Variants in PON1 observed in about 807,000 individuals in gnomAD.
PON1 encodes the protein serum paraoxonase/arylesterase 1.
A neutral mutation model predicts 39.2 loss-of-function variants in PON1; 37 were observed. The observed-to-expected ratio is 0.94, with a 90% CI of 0.73 to 1.24. The LOEUF (loss-of-function observed/expected upper bound fraction) is 1.24. Among genes scored for constraint, PON1 ranks in the 50% most tolerant of loss-of-function variants. The probability of loss-of-function intolerance (pLI) is 0.00; values close to 1 mark genes in which losing one functional copy is unlikely to be tolerated. For synonymous variants in PON1, 148 were observed against 152.2 expected, an observed-to-expected ratio of 0.97 and a Z score of 0.21; for missense variants, 397 against 413.5, an observed-to-expected ratio of 0.96 and a Z score of 0.35.
intron 4 of PON1, among the ~76,000 whole-genome samples, chr7:95,312,455 A>G (rs1471758952): frequency 6.6e-6 from 1 of 152,252 alleles, no homozygotes; most frequent in African/African-American, 2.4e-5. Flanking sequence ...AAGCTGCTAA[A>G]ATGATTTTCA....
chr7:95,298,805 AAACAG>A lies in PON1; in HGVS notation c.*134_*138del. On this transcript the variant is annotated 3_prime_UTR_variant, in exon 9 of 9. Transcript: ENST00000222381. The stretch of plus-strand genomic sequence containing the variant: ...CCTACACATCATATCACTCCCAGTT[AAACAG>A]TGCTTTGATGCTTCATGATGTCCAC... 1 of 1,051,560 alleles carries A rather than the reference AAACAG, an allele frequency of 9.5e-7. No homozygotes were observed. The highest frequency in any genetic ancestry group is 1.5e-6 in the Non-Finnish European group (1 of 688,016). The allele number at this position is 1,051,560 out of a possible 1,614,324, so 65.1% of individuals were successfully genotyped here.
chr7:95,320,359 A>T (rs1462073001), intron 1 of PON1, among the ~76,000 whole-genome samples: 2 of 152,240 alleles, frequency 1.3e-5, no homozygotes, highest in Admixed American at 1.3e-4. Flanking sequence ...ACATAGAATA[A>T]TCACAGTTAA....
At chr7:95,307,272 C>A (rs1585694366) in intron 6 of PON1, among the ~76,000 whole-genome samples, 1 of 151,958 alleles carries the variant, frequency 6.6e-6, no homozygotes, top group East Asian at 1.9e-4. Flanking sequence ...GATGGCCAGG[C>A]TGGTCTATGA....
chr7:95,316,519 G>A (rs1253660317), intron 3 of PON1, among the ~76,000 whole-genome samples: 1 of 152,160 alleles, frequency 6.6e-6, no homozygotes, highest in East Asian at 1.9e-4. Flanking sequence ...AACGTAATAT[G>A]GTTCAATGTA....
intron 8 of PON1, among the ~76,000 whole-genome samples, chr7:95,299,928 G>A (rs532078341): frequency 2.5e-4 from 38 of 152,258 alleles, no homozygotes; most frequent in African/African-American, 8.9e-4. Context: ...TTTCAGGTAA[G>A]CCAGGGAACT....
At chr7:95,301,412 G>C (rs1807417714) in intron 8 of PON1, among the ~76,000 whole-genome samples, 1 of 152,150 alleles carries the variant, frequency 6.6e-6, no homozygotes, top group East Asian at 1.9e-4. Context: ...CACACAGGAA[G>C]GGGGAGTTGA....
chr7:95,315,897 A>G (rs1224230649), intron 3 of PON1, among the ~76,000 whole-genome samples: 1 of 152,314 alleles, frequency 6.6e-6, no homozygotes, highest in African/African-American at 2.4e-5. Context: ...CATCTCAAAG[A>G]CAGAGTTTTG....
intron 7 of PON1, among the ~76,000 whole-genome samples, chr7:95,303,456 G>C (rs987131891): frequency 6.6e-6 from 1 of 152,168 alleles, no homozygotes; most frequent in African/African-American, 2.4e-5. Flanking sequence ...TCAGGGCTTT[G>C]CTCTTATCTT....
rs1309758644 is a variant in PON1 at position 95,298,103 on chromosome 7, C to G, written c.*841G>C. 3 of 152,174 alleles carry G rather than the reference C, an allele frequency of 2.0e-5. No homozygotes were observed. Among genetic ancestry groups the G allele is most frequent in the Non-Finnish European group, 4.4e-5 (3 of 68,044 alleles). 9.4% of individuals were successfully genotyped at this position (152,174 alleles called of 1,614,324 possible). On this transcript the variant is annotated 3_prime_UTR_variant, in exon 9 of 9. Transcript: ENST00000222381. ...ATTAAACAAAAACCCACCAGCACTA[C>G]CACCACCTCAACAACAGTGTAGTCT...
At chr7:95,316,677 A>G in intron 3 of PON1, 57 bp downstream of exon 3, 1 of 1,452,694 alleles carries the variant, frequency 6.9e-7, no homozygotes, top group East Asian at 2.3e-5. Context: ...TGAAAGACTT[A>G]AACTGCCAGT....
intron 4 of PON1, among the ~76,000 whole-genome samples, chr7:95,314,285 G>A (rs962703571): frequency 3.3e-5 from 5 of 151,992 alleles, no homozygotes; most frequent in African/African-American, 7.3e-5. Flanking sequence ...GCTTGAACCC[G>A]GGAGGTGAAG....
chr7:95,304,327 CTTT>C (rs34709624), intron 7 of PON1, among the ~76,000 whole-genome samples: 2 of 109,518 alleles, frequency 1.8e-5, no homozygotes, highest in Non-Finnish European at 3.5e-5. Context: ...AACTTCATTC[CTTT>C]TTTTTTTTTT....
chr7:95,303,559 A>G (rs947547635), intron 7 of PON1, among the ~76,000 whole-genome samples: 2 of 152,182 alleles, frequency 1.3e-5, no homozygotes, highest in African/African-American at 4.8e-5. Context: ...CTGGGGTCCC[A>G]TTCATTCAAG....
intron 1 of PON1, among the ~76,000 whole-genome samples, chr7:95,322,350 GTA>G (rs59115637): frequency 0.29 from 39,610 of 134,400 alleles, 6,366 homozygotes; most frequent in African/African-American, 0.48. Context: ...GTGTGTGTGT[GTA>G]TATATATATA....
At chr7:95,320,499 G>C (rs545879866) in intron 1 of PON1, among the ~76,000 whole-genome samples, 2 of 152,152 alleles carry the variant, frequency 1.3e-5, no homozygotes, top group African/African-American at 4.8e-5. Flanking sequence ...GTATATGCCC[G>C]CGTTTAATCC....
At position 95,297,883 on chromosome 7, in the gene PON1, A is replaced by AAATC. The variant is rs1161625817; in HGVS notation, c.*1057_*1060dup. 1 of 152,052 alleles carries AAATC rather than the reference A, an allele frequency of 6.6e-6. No homozygotes were observed. The highest frequency in any genetic ancestry group is 2.4e-5 in the African/African-American group (1 of 41,298). 9.4% of individuals were successfully genotyped at this position (152,052 alleles called of 1,614,324 possible). A position where few individuals can be genotyped will look rare whatever the true frequency, so the allele number is the denominator to read the frequency against. On this transcript the variant is annotated 3_prime_UTR_variant, in exon 9 of 9. Transcript: ENST00000222381. ...AATTCATCATGAAGGTTATACCTTC[A>AAATC]AATCAGAAAAACAAATAAATGAAAA...
In PON1 at chr7:95,298,519, T is replaced by G. The variant is rs761095779; in HGVS notation, c.*425A>C. On this transcript the variant is annotated 3_prime_UTR_variant, in exon 9 of 9. Transcript: ENST00000222381. ...TGGCCTGTGAACTGGAGTCCCTGGG[T>G]GAGTACTGGAGTTCTAAAGACACGT... 1.0e-5 allele frequency: 3 copies of G among 286,526 alleles called. No homozygotes were observed. The highest frequency in any genetic ancestry group is 2.0e-5 in the Non-Finnish European group (3 of 147,312). 17.7% of individuals were successfully genotyped at this position (286,526 alleles called of 1,614,324 possible).
At chr7:95,316,238 G>T (rs1480936892) in intron 3 of PON1, among the ~76,000 whole-genome samples, 19 of 152,182 alleles carry the variant, frequency 1.2e-4, no homozygotes, top group Admixed American at 9.2e-4. Context: ...CTATATGCAG[G>T]ACAGTTTCAG....
chr7:95,317,584 AAAAAAAAAAGAAAG>A (rs1333257502), intron 2 of PON1, among the ~76,000 whole-genome samples: 2 of 140,650 alleles, frequency 1.4e-5, no homozygotes, highest in Admixed American at 7.2e-5. Context: ...AAAAAAAAAA[AAAAAAAAAAGAAAG>A]AAAAAGAAAC....
Sources: gnomAD v4.1 joint callset for allele counts (sites outside exome capture counted in the v4.1 genomes callset) on GRCh38, gnomAD v4.1.1 for gene constraint, MANE v1.5 for transcripts, NCBI Gene and HGNC (gene_info 2026-07-23, HGNC 2026-07-21) for gene names.